FTO: variants seen among roughly 807,000 people sequenced by gnomAD.
FTO encodes alpha-ketoglutarate-dependent dioxygenase FTO.
In FTO, 47 loss-of-function variants were observed where a neutral mutation model predicts 63.9. The ratio of observed to expected loss-of-function variants is 0.74; its 90% CI spans 0.58 to 0.94. The LOEUF (loss-of-function observed/expected upper bound fraction) is 0.94. Ranked by LOEUF, FTO falls within the 40% of genes least tolerant of loss-of-function variation. FTO has a pLI of 0.00. For missense variants in FTO, 562 were observed against 618.1 expected (o/e 0.91, Z 0.96); for synonymous variants, 207 against 224.4 (o/e 0.92, Z 0.69).
intron 2 of FTO, among the ~76,000 whole-genome samples, chr16:53,813,082 C>T (rs2078577141): frequency 6.6e-6 from 1 of 152,142 alleles, no homozygotes; most frequent in African/African-American, 2.4e-5. Context: ...AACCAGCCAT[C>T]CACTGAGGGA....
intron 1 of FTO, among the ~76,000 whole-genome samples, chr16:53,795,579 G>A (rs1280594721): frequency 1.3e-5 from 2 of 152,136 alleles, no homozygotes; most frequent in African/African-American, 4.8e-5. Context: ...CAAGTGTTGG[G>A]ATTACAGGCA....
intron 4 of FTO, among the ~76,000 whole-genome samples, chr16:53,850,711 A>G (rs565606103): frequency 9.5e-4 from 145 of 152,160 alleles, no homozygotes; most frequent in Non-Finnish European, 1.9e-3. Context: ...TTACAGGACT[A>G]TTACATAGTA....
At chr16:53,989,880 A>G (rs570389153) in intron 8 of FTO, among the ~76,000 whole-genome samples, 1 of 151,828 alleles carries the variant, frequency 6.6e-6, no homozygotes, top group Non-Finnish European at 1.5e-5. Context: ...AGTGGAGACA[A>G]TGAGGATGAA....
intron 8 of FTO, among the ~76,000 whole-genome samples, chr16:54,084,984 C>T (rs1242446335): frequency 2.0e-5 from 3 of 152,184 alleles, no homozygotes; most frequent in Admixed American, 1.3e-4. Context: ...CTCTTGGGCC[C>T]TTGGCAGAAG....
At position 53,928,185 on chromosome 16, in the gene FTO, A is replaced by G. The variant is rs547229031; in HGVS notation, c.1240-5800A>G. 4.6e-5 allele frequency among the ~76,000 whole-genome samples: 7 copies of G among 152,302 alleles called. No homozygotes were observed. The South Asian group carries it at 1.2e-3, about 27-fold the overall frequency. ...CTTAGTTCTTTCTGATCTGGCCTGC[A>G]TTTCCATAGATTTCTATTGAAAAAA... On this transcript the variant is annotated intron_variant, in intron 7 of 8. Coordinates refer to ENST00000471389, the MANE Select transcript of FTO (RefSeq NM_001080432.3).
chr16:53,784,607 G>A (rs1044698352), intron 1 of FTO, among the ~76,000 whole-genome samples: 5 of 152,166 alleles, frequency 3.3e-5, no homozygotes, highest in Non-Finnish European at 7.3e-5. Flanking sequence ...GCGAAAAAGA[G>A]ACTAAGTTTA....
At chr16:54,090,396 G>T (rs1164663619) in intron 8 of FTO, among the ~76,000 whole-genome samples, 4 of 152,196 alleles carry the variant, frequency 2.6e-5, no homozygotes, top group African/African-American at 9.7e-5. Context: ...TGGGGAGTTT[G>T]TTGCCTAACA....
intron 1 of FTO, among the ~76,000 whole-genome samples, chr16:53,765,391 CT>C (rs2077175643): frequency 1.3e-5 from 2 of 151,210 alleles, no homozygotes; most frequent in Non-Finnish European, 2.9e-5. Flanking sequence ...ACCCGGTCTA[CT>C]AAAAATACAA....
At chr16:54,103,453 T>C (rs1215987284) in intron 8 of FTO, among the ~76,000 whole-genome samples, 2 of 152,204 alleles carry the variant, frequency 1.3e-5, no homozygotes, top group African/African-American at 4.8e-5. Context: ...TAGGGAGAAG[T>C]CTGGCTTTTC....
intron 8 of FTO, chr16:53,979,337 T>A (rs986320438): frequency 2.0e-5 from 8 of 398,300 alleles, no homozygotes; most frequent in Non-Finnish European, 4.4e-6. Flanking sequence ...CTGGAATGGA[T>A]GTTTGAATAA....
intron 8 of FTO, among the ~76,000 whole-genome samples, chr16:53,936,847 G>A (rs113524112): frequency 8.5e-5 from 13 of 152,276 alleles, no homozygotes; most frequent in African/African-American, 9.6e-5. Context: ...TTAGGTCAAC[G>A]GAGCCGCCGC....
intron 1 of FTO, among the ~76,000 whole-genome samples, chr16:53,759,271 C>G (rs1246139076): frequency 6.6e-6 from 1 of 151,688 alleles, no homozygotes; most frequent in Non-Finnish European, 1.5e-5. Flanking sequence ...CAGAAATTAG[C>G]CCAAAACAAA....
At chr16:54,109,185 T>G (rs1267902289) in intron 8 of FTO, among the ~76,000 whole-genome samples, 1 of 152,162 alleles carries the variant, frequency 6.6e-6, no homozygotes, top group African/African-American at 2.4e-5. Flanking sequence ...TTTAAAGTAA[T>G]CTTGAAATTT....
intron 8 of FTO, among the ~76,000 whole-genome samples, chr16:53,983,668 T>A (rs1257845083): frequency 6.6e-6 from 1 of 152,034 alleles, no homozygotes; most frequent in Non-Finnish European, 1.5e-5. Flanking sequence ...CGGCAGGTAA[T>A]GTCAACGAGT....
intron 1 of FTO, among the ~76,000 whole-genome samples, chr16:53,755,418 C>A (rs547396198): frequency 6.6e-6 from 1 of 152,120 alleles, no homozygotes; most frequent in Non-Finnish European, 1.5e-5. Context: ...TGTCTGATCC[C>A]GTCCATTGAG....
intron 8 of FTO, among the ~76,000 whole-genome samples, chr16:54,092,803 C>T (rs2086423035): frequency 6.6e-6 from 1 of 152,168 alleles, no homozygotes; most frequent in Non-Finnish European, 1.5e-5. Context: ...GTACATCTCT[C>T]TCTTGCAGAA....
intron 2 of FTO, among the ~76,000 whole-genome samples, chr16:53,817,697 C>A (rs1256775895): frequency 6.6e-6 from 1 of 152,048 alleles, no homozygotes; most frequent in Non-Finnish European, 1.5e-5. Context: ...TGAAATCTTT[C>A]AGAAGCATCT....
intron 4 of FTO, among the ~76,000 whole-genome samples, chr16:53,844,707 G>A (rs1436430122): frequency 6.6e-6 from 1 of 152,072 alleles, no homozygotes; most frequent in Non-Finnish European, 1.5e-5. Context: ...TGATCCACCT[G>A]CCTCGGTCCC....
chr16:54,094,706 A>G (rs541312999), intron 8 of FTO, among the ~76,000 whole-genome samples: 31 of 152,372 alleles, frequency 2.0e-4, no homozygotes, highest in African/African-American at 6.2e-4. Context: ...TAAGGTTTAC[A>G]GCCTTCCCTC....
Sources: allele counts gnomAD v4.1 joint callset (sites outside exome capture counted in the v4.1 genomes callset), GRCh38; gene constraint gnomAD v4.1.1; transcripts MANE v1.5; gene names NCBI Gene and HGNC (gene_info 2026-07-23, HGNC 2026-07-21).